SLIT2: variants seen among roughly 807,000 people sequenced by gnomAD.
SLIT2 encodes slit guidance ligand 2.
Under a neutral mutation model 185.7 loss-of-function variants are expected in SLIT2, and 41 were observed. The ratio of observed to expected loss-of-function variants is 0.22; its 90% CI spans 0.17 to 0.29. The LOEUF is 0.29. SLIT2 is among the 10% of genes least tolerant of loss of function. SLIT2 has a pLI of 1.00. For missense variants in SLIT2, 1,571 were observed against 1,909.0 expected (o/e 0.82, Z 3.30); for synonymous variants, 693 against 680.2 (o/e 1.02, Z -0.29).
intron 4 of SLIT2, among the ~76,000 whole-genome samples, chr4:20,431,051 T>C (rs926071302): frequency 6.6e-6 from 1 of 152,230 alleles, no homozygotes; most frequent in Non-Finnish European, 1.5e-5. Context: ...CCGTGTTACG[T>C]TGGCAGCCTG....
chr4:20,489,218 T>C (rs905064732), intron 8 of SLIT2, among the ~76,000 whole-genome samples: 2 of 152,148 alleles, frequency 1.3e-5, no homozygotes, highest in African/African-American at 4.8e-5. Flanking sequence ...CAGTTTTCAC[T>C]CCAGGGGAAA....
At chr4:20,358,859 A>G (rs1270248283) in intron 4 of SLIT2, among the ~76,000 whole-genome samples, 3 of 152,284 alleles carry the variant, frequency 2.0e-5, no homozygotes, top group East Asian at 3.9e-4. Context: ...GTTCAAGTCA[A>G]TAGTGTCCTG....
intron 4 of SLIT2, among the ~76,000 whole-genome samples, chr4:20,417,473 T>C (rs1727785114): frequency 6.9e-6 from 1 of 144,642 alleles, no homozygotes; most frequent in South Asian, 2.1e-4. Flanking sequence ...TATATATGTG[T>C]GTGTACATAT....
intron 4 of SLIT2, among the ~76,000 whole-genome samples, chr4:20,331,107 G>A (rs2109199519): frequency 6.6e-6 from 1 of 152,210 alleles, no homozygotes; most frequent in Non-Finnish European, 1.5e-5. Context: ...TTTGCCAAAA[G>A]CATTAGAGGA....
chr4:20,473,504 C>T (rs142505840), intron 5 of SLIT2, among the ~76,000 whole-genome samples: 69 of 151,972 alleles, frequency 4.5e-4, no homozygotes, highest in African/African-American at 1.6e-3. Context: ...TAGCATAAAA[C>T]GATTTGGCAA....
chr4:20,525,227 A>T, intron 15 of SLIT2, 55 bp downstream of exon 15: 1 of 1,320,888 alleles, frequency 7.6e-7, no homozygotes, highest in Non-Finnish European at 1.1e-6. Flanking sequence ...TCACCTTATA[A>T]AATATAGCTT....
At chr4:20,360,838 A>G (rs140724808) in intron 4 of SLIT2, among the ~76,000 whole-genome samples, 203 of 152,272 alleles carry the variant, frequency 1.3e-3, no homozygotes, top group African/African-American at 4.6e-3. Flanking sequence ...GGTGTCAGCC[A>G]GTGCTGTATC....
chr4:20,297,192 A>G (rs1263000420), intron 4 of SLIT2, among the ~76,000 whole-genome samples: 1 of 152,204 alleles, frequency 6.6e-6, no homozygotes, highest in Non-Finnish European at 1.5e-5. Flanking sequence ...AAAATATTTT[A>G]AAATAGTTAA....
At chr4:20,323,466 T>C (rs2109173231) in intron 4 of SLIT2, among the ~76,000 whole-genome samples, 1 of 152,330 alleles carries the variant, frequency 6.6e-6, no homozygotes, top group East Asian at 1.9e-4. Context: ...TGAATCATAT[T>C]CAAAATACTT....
intron 5 of SLIT2, among the ~76,000 whole-genome samples, chr4:20,474,605 A>G (rs1000654123): frequency 6.6e-6 from 1 of 152,122 alleles, no homozygotes; most frequent in African/African-American, 2.4e-5. Flanking sequence ...CTTACAAAAT[A>G]TGAATTGGCA....
rs879319407 is a variant in SLIT2, at chr4:20,274,432, T to C, written c.395+5551T>C. On this transcript the variant is annotated intron_variant, in intron 4 of 36. Coordinates refer to ENST00000504154, the MANE Select transcript of SLIT2 (RefSeq NM_004787.4). ...TCAAAATAGCCATTACCACTTGTCA[T>C]GAAAGAAAGAAAAGTGCAAAGCCCT... Among the ~76,000 whole-genome samples the C allele has an allele frequency of 9.2e-5, 14 of 152,296 alleles. No individual in the cohort carries two copies. In the East Asian group the frequency reaches 2.5e-3, roughly 27 times the overall value.
chr4:20,413,342 A>G (rs1048581315), intron 4 of SLIT2, among the ~76,000 whole-genome samples: 34 of 152,128 alleles, frequency 2.2e-4, no homozygotes, highest in African/African-American at 8.2e-4. Flanking sequence ...ATATTTCAAT[A>G]TTATTTCAAT....
At chr4:20,264,185 C>T (rs1477578935) in intron 3 of SLIT2, among the ~76,000 whole-genome samples, 1 of 151,714 alleles carries the variant, frequency 6.6e-6, no homozygotes, top group African/African-American at 2.4e-5. Flanking sequence ...ATTTTATTTA[C>T]ATAATACAAA....
chr4:20,520,801 T>G (rs1474228359), intron 12 of SLIT2, among the ~76,000 whole-genome samples: 1 of 152,198 alleles, frequency 6.6e-6, no homozygotes, highest in African/African-American at 2.4e-5. Context: ...ATTCTCTCTT[T>G]ATTTTCTCAG....
intron 3 of SLIT2, among the ~76,000 whole-genome samples, chr4:20,264,994 T>G (rs1712879293): frequency 6.6e-6 from 1 of 151,962 alleles, no homozygotes; most frequent in Non-Finnish European, 1.5e-5. Context: ...TTGACTCACC[T>G]GGTCTGTTTA....
In SLIT2 at chr4:20,434,685, A is replaced by G. The variant is rs547165842; in HGVS notation, c.396-33067A>G. Among the ~76,000 whole-genome samples, 45 of 152,310 alleles carry G rather than the reference A, an allele frequency of 3.0e-4. 1 individual carries two copies. The highest frequency in any genetic ancestry group is 1.0e-3 in the South Asian group (5 of 4,816). ...GATCATAGATGGAAACTGGCAAGAT[A>G]TAAGTGGAAACGTAGGTAGATGTTT... On this transcript the variant is annotated intron_variant, in intron 4 of 36. Transcript: ENST00000504154.
At chr4:20,448,698 C>T (rs960487058) in intron 4 of SLIT2, among the ~76,000 whole-genome samples, 1 of 151,826 alleles carries the variant, frequency 6.6e-6, no homozygotes, top group Admixed American at 6.6e-5. Context: ...AGTGCAGTGG[C>T]GTGATCTTCG....
chr4:20,551,956 A>G (rs574711460), intron 25 of SLIT2, among the ~76,000 whole-genome samples: 7 of 152,130 alleles, frequency 4.6e-5, no homozygotes, highest in Non-Finnish European at 8.8e-5. Context: ...AGTCTGTGTT[A>G]TCAATTGATG....
chr4:20,535,795 C>G (rs778831494), intron 18 of SLIT2, among the ~76,000 whole-genome samples: 1 of 152,008 alleles, frequency 6.6e-6, no homozygotes, highest in Non-Finnish European at 1.5e-5. Flanking sequence ...GATGGCAGTC[C>G]GTCAGGATGG....
Sources: allele counts gnomAD v4.1 joint callset (sites outside exome capture counted in the v4.1 genomes callset), GRCh38; gene constraint gnomAD v4.1.1; transcripts MANE v1.5; gene names NCBI Gene and HGNC (gene_info 2026-07-23, HGNC 2026-07-21).